BRINP1: variants seen among roughly 807,000 people sequenced by gnomAD.
BRINP1 encodes BMP/retinoic acid inducible neural specific 1.
A neutral mutation model predicts 72.9 loss-of-function variants in BRINP1; 17 were observed. The observed-to-expected ratio is 0.23, with a 90% CI of 0.16 to 0.35. BRINP1 has a LOEUF of 0.35. Ranked by LOEUF, BRINP1 falls within the 10% of genes least tolerant of loss-of-function variation. The pLI, the probability that BRINP1 is intolerant of heterozygous loss-of-function variation, is 1.00. For missense variants in BRINP1, 850 were observed against 1,001.6 expected, an observed-to-expected ratio of 0.85 and a Z score of 2.04; for synonymous variants, 418 against 378.5, an observed-to-expected ratio of 1.10 and a Z score of -1.21.
At chr9:119,312,538 T>A (rs183794138) in intron 2 of BRINP1, among the ~76,000 whole-genome samples, 14 of 152,284 alleles carry the variant, frequency 9.2e-5, no homozygotes, top group African/African-American at 3.4e-4. Context: ...AGGAAAGAAT[T>A]TGGGCTAAGT....
chr9:119,230,078 A>G (rs1402347740), intron 5 of BRINP1, among the ~76,000 whole-genome samples: 1 of 148,480 alleles, frequency 6.7e-6, no homozygotes, highest in Admixed American at 6.7e-5. Flanking sequence ...TACCTGAGAG[A>G]GATGAAAAGT....
At chr9:119,203,337 T>C (rs1269845875) in intron 7 of BRINP1, among the ~76,000 whole-genome samples, 1 of 152,122 alleles carries the variant, frequency 6.6e-6, no homozygotes, top group Admixed American at 6.5e-5. Context: ...CCATAAATGA[T>C]CCAAGAGCAT....
intron 7 of BRINP1, among the ~76,000 whole-genome samples, chr9:119,190,802 T>A (rs1797048810): frequency 6.6e-6 from 1 of 151,970 alleles, no homozygotes; most frequent in Non-Finnish European, 1.5e-5. Context: ...ACACATGTTA[T>A]GAGGCAGCAT....
chr9:119,308,721 T>A (rs1308068989), intron 2 of BRINP1, among the ~76,000 whole-genome samples: 3 of 152,176 alleles, frequency 2.0e-5, no homozygotes, highest in African/African-American at 7.2e-5. Flanking sequence ...AAGATTTGAT[T>A]TACACTCAAC....
intron 2 of BRINP1, among the ~76,000 whole-genome samples, chr9:119,256,173 G>A (rs547031022): frequency 6.6e-6 from 1 of 152,234 alleles, no homozygotes; most frequent in African/African-American, 2.4e-5. Flanking sequence ...TTTGTAAAAT[G>A]TAAATGGTAG....
At chr9:119,283,963 G>C (rs1830736343) in intron 2 of BRINP1, among the ~76,000 whole-genome samples, 2 of 152,138 alleles carry the variant, frequency 1.3e-5, no homozygotes, top group Non-Finnish European at 1.5e-5. Context: ...AGCAGCATCT[G>C]GTGAGTTTCA....
chr9:119,180,059 G>C (rs1829534823), intron 7 of BRINP1, among the ~76,000 whole-genome samples: 1 of 152,218 alleles, frequency 6.6e-6, no homozygotes, highest in East Asian at 1.9e-4. Flanking sequence ...AATTCAAGCA[G>C]ACTCCCTGCT....
At chr9:119,194,163 C>A (rs1365006879) in intron 7 of BRINP1, among the ~76,000 whole-genome samples, 3 of 152,182 alleles carry the variant, frequency 2.0e-5, no homozygotes, top group African/African-American at 7.2e-5. Context: ...CCACATAGAA[C>A]ACAATTGCCC....
At chr9:119,347,646 G>T (rs559841477) in intron 1 of BRINP1, among the ~76,000 whole-genome samples, 1 of 151,758 alleles carries the variant, frequency 6.6e-6, no homozygotes. Context: ...CTGTCCACCC[G>T]CTTCCCAACA....
intron 2 of BRINP1, among the ~76,000 whole-genome samples, chr9:119,285,733 T>C (rs765733047): frequency 3.9e-5 from 6 of 152,172 alleles, no homozygotes; most frequent in Non-Finnish European, 5.9e-5. Context: ...AACTATCCCT[T>C]AGGTTTTCTT....
intron 2 of BRINP1, among the ~76,000 whole-genome samples, chr9:119,250,008 G>A (rs1389635357): frequency 2.2e-5 from 3 of 135,468 alleles, no homozygotes; most frequent in African/African-American, 8.4e-5. Context: ...GAGGGAGAGA[G>A]AAAGGGAGGG....
At chr9:119,195,455 C>T (rs1444580834) in intron 7 of BRINP1, among the ~76,000 whole-genome samples, 2 of 152,152 alleles carry the variant, frequency 1.3e-5, no homozygotes, top group African/African-American at 2.4e-5. Context: ...ACGGGGAGGC[C>T]GACTGATCCT....
chr9:119,323,117 C>T (rs1392578626), intron 1 of BRINP1, among the ~76,000 whole-genome samples: 3 of 152,062 alleles, frequency 2.0e-5, no homozygotes. Flanking sequence ...AGTGCTGAGC[C>T]CTCCTTTCTA....
At chr9:119,320,091 AT>A (rs1486667215) in intron 1 of BRINP1, among the ~76,000 whole-genome samples, 3 of 152,192 alleles carry the variant, frequency 2.0e-5, no homozygotes, top group Admixed American at 6.5e-5. Context: ...TTCAAATAGC[AT>A]GTACAGTTTT....
intron 5 of BRINP1, among the ~76,000 whole-genome samples, chr9:119,226,364 G>A (rs1830092475): frequency 6.6e-6 from 1 of 152,002 alleles, no homozygotes; most frequent in Admixed American, 6.6e-5. Flanking sequence ...TTGTTAAATA[G>A]ACCAAATTGC....
At chr9:119,194,809 C>A (rs10984434) in intron 7 of BRINP1, among the ~76,000 whole-genome samples, 99 of 152,254 alleles carry the variant, frequency 6.5e-4, no homozygotes, top group East Asian at 5.2e-3. Context: ...CCTGGTCTGT[C>A]CAACACATTG....
intron 1 of BRINP1, among the ~76,000 whole-genome samples, chr9:119,357,211 C>G (rs1831577729): frequency 6.6e-6 from 1 of 152,186 alleles, no homozygotes; most frequent in South Asian, 2.1e-4. Flanking sequence ...TGTTCTCAAC[C>G]ATGTTCAATA....
chr9:119,243,506 AT>A (rs1830280707), intron 3 of BRINP1, among the ~76,000 whole-genome samples: 2 of 152,212 alleles, frequency 1.3e-5, no homozygotes, highest in South Asian at 4.1e-4. Flanking sequence ...TAGTGCTGCA[AT>A]GAACATATGT....
In BRINP1 at chr9:119,298,934, A is replaced by AT. The variant is rs1316677393; in HGVS notation, c.218+14203dup. On this transcript the variant is annotated intron_variant, in intron 2 of 7. Transcript: ENST00000265922. ...CAATACTTTTTTTTTAAAGGTAAGT[A>AT]TTTATTTTAACTGAGAAGTAAAAAT... 2.0e-5 allele frequency among the ~76,000 whole-genome samples: 3 copies of AT among 152,044 alleles called. No homozygotes were observed. In the East Asian group the frequency reaches 5.8e-4, roughly 29 times the overall value.
Sources: allele counts gnomAD v4.1 joint callset (sites outside exome capture counted in the v4.1 genomes callset), GRCh38; gene constraint gnomAD v4.1.1; transcripts MANE v1.5; gene names NCBI Gene and HGNC (gene_info 2026-07-23, HGNC 2026-07-21).